CAPRIN2: variants seen among roughly 807,000 people sequenced by gnomAD.
The protein encoded by CAPRIN2 is caprin-2.
In CAPRIN2, 66 loss-of-function variants were observed where a neutral mutation model predicts 130.4. The observed-to-expected ratio is 0.51, with a 90% CI of 0.42 to 0.62. The LOEUF (loss-of-function observed/expected upper bound fraction) is 0.62, where lower values mean the gene tolerates loss of function less well. Ranked by LOEUF, CAPRIN2 falls within the 20% of genes least tolerant of loss-of-function variation. The pLI, the probability that CAPRIN2 is intolerant of heterozygous loss-of-function variation, is 0.00. For missense variants in CAPRIN2, 1,185 were observed against 1,246.6 expected (o/e 0.95, Z 0.74); for synonymous variants, 471 against 444.1 (o/e 1.06, Z -0.76).
intron 13 of CAPRIN2, chr12:30,715,690 C>A: frequency 9.5e-6 from 2 of 210,020 alleles, no homozygotes; most frequent in South Asian, 6.1e-5. Flanking sequence ...TACTTTACGA[C>A]AATTTTTAAA....
chr12:30,742,265 T>C (rs1392504385), intron 2 of CAPRIN2, among the ~76,000 whole-genome samples: 1 of 152,120 alleles, frequency 6.6e-6, no homozygotes, highest in Admixed American at 6.5e-5. Flanking sequence ...AAAAACAGAC[T>C]GATATTAAGT....
At chr12:30,709,733 A>C in exon 17 of CAPRIN2, 1 of 648,712 alleles carries the variant, frequency 1.5e-6, no homozygotes, top group East Asian at 2.8e-5. Context: ...GCTAATTGTC[A>C]TTCAGCTTGA....
intron 2 of CAPRIN2, among the ~76,000 whole-genome samples, chr12:30,742,657 CA>C (rs1247007683): frequency 1.4e-5 from 2 of 139,994 alleles, no homozygotes; most frequent in African/African-American, 5.3e-5. Context: ...CTATAAGGTA[CA>C]AAAAAAACAC....
chr12:30,724,322 G>T (rs1163160747), intron 10 of CAPRIN2, 48 bp downstream of exon 11: 1 of 1,069,104 alleles, frequency 9.4e-7, no homozygotes, highest in Non-Finnish European at 1.5e-6. Flanking sequence ...ACAACAAATA[G>T]CTGTTAGCTC....
intron 3 of CAPRIN2, among the ~76,000 whole-genome samples, chr12:30,737,029 G>A (rs1204475670): frequency 6.6e-6 from 1 of 152,162 alleles, no homozygotes; most frequent in South Asian, 2.1e-4. Flanking sequence ...TTTTGAGACA[G>A]AGTATCATTA....
At chr12:30,749,099 T>C (rs2072312109) in intron 2 of CAPRIN2, among the ~76,000 whole-genome samples, 1 of 152,058 alleles carries the variant, frequency 6.6e-6, no homozygotes, top group Non-Finnish European at 1.5e-5. Context: ...GGTTGGGAAT[T>C]GAGCCACTGA....
intron 8 of CAPRIN2, chr12:30,728,398 C>CA (rs2061553118): frequency 2.8e-6 from 1 of 363,530 alleles, no homozygotes; most frequent in Admixed American, 4.4e-5. Context: ...ACTAAAAATA[C>CA]AAAAAAATTA....
chr12:30,709,684 A>T, exon 17 of CAPRIN2: 1 of 506,982 alleles, frequency 2.0e-6, no homozygotes. Flanking sequence ...CAGCTTGACT[A>T]GCGAGGCTAC....
At chr12:30,726,456 C>G (rs2060951626) in intron 8 of CAPRIN2, among the ~76,000 whole-genome samples, 2 of 152,040 alleles carry the variant, frequency 1.3e-5, no homozygotes, top group Admixed American at 1.3e-4. Flanking sequence ...TTACTACTAC[C>G]ACATTAAATG....
rs1260677797 is a variant in CAPRIN2, at chr12:30,730,404, A to C, written c.1061-122T>G. The C allele has an allele frequency of 5.7e-6, 4 of 698,892 alleles. No homozygotes were observed. The Admixed American group carries it at 7.2e-5, about 13-fold the overall frequency. The allele number at this position is 698,892 out of a possible 1,614,324, so 43.3% of individuals were successfully genotyped here. On this transcript the variant is annotated intron_variant, in intron 6 of 16. Transcript: ENST00000298892. ...ACTCGTAACAGAAAAAGGGTAATAT[A>C]ATCAAGTATATTGATGGCAAGAGGA...
intron 2 of CAPRIN2, among the ~76,000 whole-genome samples, chr12:30,741,467 G>A (rs1347205723): frequency 1.3e-5 from 2 of 152,012 alleles, no homozygotes; most frequent in East Asian, 1.9e-4. Context: ...CAAATAGCAC[G>A]GTGAGTATCA....
chr12:30,752,263 A>G (rs918158779), intron 1 of CAPRIN2, among the ~76,000 whole-genome samples: 19 of 152,092 alleles, frequency 1.2e-4, no homozygotes, highest in Admixed American at 1.2e-3. Context: ...TTCCTCCTGT[A>G]TTGGCTTTAG....
At chr12:30,748,759 G>A (rs761390902) in intron 2 of CAPRIN2, among the ~76,000 whole-genome samples, 6 of 151,916 alleles carry the variant, frequency 3.9e-5, no homozygotes, top group East Asian at 1.9e-4. Context: ...CACCAACTAC[G>A]TGCTTAGTTA....
intron 11 of CAPRIN2, 98 bp from the exon 13 acceptor site, chr12:30,721,013 A>T: frequency 1.3e-6 from 1 of 781,124 alleles, no homozygotes; most frequent in Non-Finnish European, 2.3e-6. Context: ...CTTACTGAAC[A>T]CGCACATGTG....
At chr12:30,720,558 C>A (rs967558712) in intron 12 of CAPRIN2, 4 of 298,046 alleles carry the variant, frequency 1.3e-5, no homozygotes, top group Admixed American at 9.0e-5. Context: ...GCTACCTACA[C>A]TTTTCATTTT....
chr12:30,709,884 T>C (rs1043740457), exon 17 of CAPRIN2: 1 of 1,583,734 alleles, frequency 6.3e-7, no homozygotes, highest in African/African-American at 1.3e-5. Flanking sequence ...CCTTTTATTG[T>C]CAATACTGTA....
chr12:30,726,031 C>T, exon 9 of CAPRIN2: 1 of 1,600,728 alleles, frequency 6.2e-7, no homozygotes, highest in South Asian at 1.1e-5. Flanking sequence ...TTCCTCAATA[C>T]TGGATCCTTC....
Position 30,733,839 on chromosome 12 carries a change from T to C in CAPRIN2, c.810-128A>G. 1.0e-5 allele frequency: 7 copies of C among 668,760 alleles called. No homozygotes were observed. In the South Asian group the frequency reaches 1.3e-4, roughly 12 times the overall value. The allele number at this position is 668,760 out of a possible 1,614,324, so 41.4% of individuals were successfully genotyped here. On this transcript the variant is annotated intron_variant, in intron 4 of 16. Transcript: ENST00000298892. ...AATGTTAATTTTGTCTTTTTGCTCTTTGGAAATAAAAAAATTGAAATGTAT... is the reference window on the plus strand; with the variant it reads ...AATGTTAATTTTGTCTTTTTGCTCTCTGGAAATAAAAAAATTGAAATGTAT...
intron 3 of CAPRIN2, among the ~76,000 whole-genome samples, chr12:30,737,593 GTTTTC>G (rs2065440384): frequency 1.6e-5 from 2 of 127,898 alleles, no homozygotes; most frequent in African/African-American, 5.6e-5. Context: ...GATAAAACTG[GTTTTC>G]TTTTTTTTTT....
Sources: gnomAD v4.1 joint callset for allele counts (sites outside exome capture counted in the v4.1 genomes callset) on GRCh38, gnomAD v4.1.1 for gene constraint, MANE v1.5 for transcripts, NCBI Gene and HGNC (gene_info 2026-07-23, HGNC 2026-07-21) for gene names.